Variants in RNF150 observed in about 807,000 individuals in gnomAD.
RNF150 encodes ring finger protein 150.
In RNF150, 24 loss-of-function variants were observed where a neutral mutation model predicts 39.3. The ratio of observed to expected loss-of-function variants is 0.61; its 90% CI spans 0.44 to 0.86. The LOEUF (loss-of-function observed/expected upper bound fraction) is 0.86. Ranked by LOEUF, RNF150 falls within the 40% of genes least tolerant of loss-of-function variation. The pLI is 0.00. For missense variants in RNF150, 502 were observed against 587.8 expected, an observed-to-expected ratio of 0.85 and a Z score of 1.51; for synonymous variants, 255 against 227.3, an observed-to-expected ratio of 1.12 and a Z score of -1.10.
intron 1 of RNF150, among the ~76,000 whole-genome samples, chr4:141,112,121 C>T (rs1299152309): frequency 6.6e-6 from 1 of 152,134 alleles, no homozygotes; most frequent in Non-Finnish European, 1.5e-5. Flanking sequence ...AAAACTATAA[C>T]TATTCTTTAA....
At chr4:141,210,493 T>C (rs995863331) in intron 1 of RNF150, among the ~76,000 whole-genome samples, 6 of 151,952 alleles carry the variant, frequency 3.9e-5, no homozygotes, top group African/African-American at 1.5e-4. Context: ...CAGCTTTTTT[T>C]TTTTTTTCCA....
At chr4:141,194,164 C>T (rs1210815040) in intron 1 of RNF150, among the ~76,000 whole-genome samples, 4 of 152,122 alleles carry the variant, frequency 2.6e-5, no homozygotes, top group Non-Finnish European at 4.4e-5. Flanking sequence ...TGACAGGTAC[C>T]CATTGCTTGC....
intron 4 of RNF150, among the ~76,000 whole-genome samples, chr4:140,929,589 A>G (rs1442244783): frequency 6.6e-6 from 1 of 151,786 alleles, no homozygotes; most frequent in Admixed American, 6.6e-5. Context: ...GATGGTCTCG[A>G]TCTCCTGAAC....
chr4:141,061,233 T>C (rs978414745), intron 1 of RNF150, among the ~76,000 whole-genome samples: 5 of 152,224 alleles, frequency 3.3e-5, no homozygotes, highest in African/African-American at 1.2e-4. Context: ...GGATGTACAT[T>C]CGCAGAAGAT....
chr4:140,873,564 TG>T (rs1234918695), intron 6 of RNF150, among the ~76,000 whole-genome samples: 3 of 152,244 alleles, frequency 2.0e-5, no homozygotes, highest in African/African-American at 7.2e-5. Context: ...ATAGTATTAC[TG>T]GATTGGCTGG....
At chr4:141,161,607 C>T (rs574261550) in intron 1 of RNF150, among the ~76,000 whole-genome samples, 35 of 152,318 alleles carry the variant, frequency 2.3e-4, no homozygotes, top group Non-Finnish European at 3.5e-4. Flanking sequence ...AAACTTTTGT[C>T]GCAACCCCTC....
intron 1 of RNF150, among the ~76,000 whole-genome samples, chr4:141,015,845 C>T (rs1735249779): frequency 6.6e-6 from 1 of 151,998 alleles, no homozygotes; most frequent in South Asian, 2.1e-4. Flanking sequence ...GGTTATTGTG[C>T]AGTCCAAGGA....
At chr4:141,102,247 T>C (rs1450026060) in intron 1 of RNF150, among the ~76,000 whole-genome samples, 1 of 152,180 alleles carries the variant, frequency 6.6e-6, no homozygotes, top group Non-Finnish European at 1.5e-5. Flanking sequence ...CGAATGCTGT[T>C]AGCAAGAAGA....
At chr4:141,106,504 C>G (rs182524147) in intron 1 of RNF150, among the ~76,000 whole-genome samples, 115 of 152,200 alleles carry the variant, frequency 7.6e-4, no homozygotes, top group African/African-American at 2.6e-3. Flanking sequence ...ATAACAATAT[C>G]TCTTCCGGCC....
chr4:140,882,402 C>T (rs1729410588), intron 6 of RNF150, among the ~76,000 whole-genome samples: 1 of 152,132 alleles, frequency 6.6e-6, no homozygotes, highest in Admixed American at 6.6e-5. Context: ...AATGTGTATT[C>T]TGCTACTGTT....
At chr4:141,196,663 T>A (rs1728205962) in intron 1 of RNF150, among the ~76,000 whole-genome samples, 1 of 151,712 alleles carries the variant, frequency 6.6e-6, no homozygotes, top group Non-Finnish European at 1.5e-5. Context: ...GTAACTATTT[T>A]ACCATCCCAC....
In RNF150 at chr4:141,150,621, C is replaced by A. The variant is rs78671103; in HGVS notation, c.-6+62173G>T. ...GAGATTTTAGATTGGCCTATATGGC[C>A]CCTGATGAATGGAAAAGAGACACTG... is the stretch of plus-strand genomic sequence containing the variant. On this transcript the variant is annotated intron_variant, in intron 1 of 7. Transcript: ENST00000420921. 5.1e-4 allele frequency among the ~76,000 whole-genome samples: 77 copies of A among 152,198 alleles called. 1 individual carries two copies. The East Asian group carries it at 0.012, about 23-fold the overall frequency.
chr4:141,169,373 C>G (rs565629199), intron 1 of RNF150, among the ~76,000 whole-genome samples: 130 of 152,276 alleles, frequency 8.5e-4, no homozygotes, highest in African/African-American at 3.0e-3. Flanking sequence ...GCCTGAGGAA[C>G]CATGAGCCAA....
At chr4:141,103,483 G>C (rs967795534) in intron 1 of RNF150, among the ~76,000 whole-genome samples, 1 of 152,194 alleles carries the variant, frequency 6.6e-6, no homozygotes, top group Non-Finnish European at 1.5e-5. Context: ...GAGTTATACA[G>C]AGTCATAATG....
intron 1 of RNF150, among the ~76,000 whole-genome samples, chr4:141,086,033 C>CAT (rs1311199090): frequency 2.8e-5 from 2 of 70,972 alleles, no homozygotes; most frequent in East Asian, 4.7e-3. Context: ...GAGTTACACA[C>CAT]ACACACACAC....
intron 1 of RNF150, among the ~76,000 whole-genome samples, chr4:141,001,927 G>A (rs1165220700): frequency 6.6e-6 from 1 of 151,980 alleles, no homozygotes; most frequent in African/African-American, 2.4e-5. Flanking sequence ...TACAAGAAAA[G>A]CTCATATATT....
intron 1 of RNF150, among the ~76,000 whole-genome samples, chr4:141,088,703 ACAC>A (rs1738460990): frequency 6.6e-6 from 1 of 151,676 alleles, no homozygotes; most frequent in Non-Finnish European, 1.5e-5. Flanking sequence ...ACACACACAC[ACAC>A]ACTTGAAAAG....
At chr4:140,999,967 A>C (rs1327337217) in intron 1 of RNF150, among the ~76,000 whole-genome samples, 1 of 34,534 alleles carries the variant, frequency 2.9e-5, no homozygotes, top group East Asian at 8.1e-4. Flanking sequence ...GAAGAAGAAG[A>C]AGAAGAAGAA....
intron 1 of RNF150, among the ~76,000 whole-genome samples, chr4:141,075,613 C>T (rs1737865918): frequency 6.6e-6 from 1 of 152,224 alleles, no homozygotes; most frequent in Non-Finnish European, 1.5e-5. Flanking sequence ...TTTATATTCA[C>T]TGCAGCTTCT....
Sources: gnomAD v4.1 joint callset for allele counts (sites outside exome capture counted in the v4.1 genomes callset) on GRCh38, gnomAD v4.1.1 for gene constraint, MANE v1.5 for transcripts, NCBI Gene and HGNC (gene_info 2026-07-23, HGNC 2026-07-21) for gene names.